Variants in CLEC19A observed in about 807,000 individuals in gnomAD.
The protein encoded by CLEC19A is C-type lectin domain family 19 member A.
CLEC19A carries 21 observed loss-of-function variants against 26.1 expected under a neutral mutation model. That is an observed-to-expected ratio of 0.80 (90% CI 0.57 to 1.16). CLEC19A has a LOEUF of 1.16. Ranked by LOEUF, CLEC19A falls within the 50% of genes most tolerant of loss-of-function variation. The pLI is 0.00. For missense variants in CLEC19A, 224 were observed against 227.6 expected, an observed-to-expected ratio of 0.98 and a Z score of 0.10; for synonymous variants, 89 against 88.6, an observed-to-expected ratio of 1.00 and a Z score of -0.03.
At chr16:19,299,989 C>T (rs1451597223) in intron 2 of CLEC19A, among the ~76,000 whole-genome samples, 1 of 151,934 alleles carries the variant, frequency 6.6e-6, no homozygotes, top group Non-Finnish European at 1.5e-5. Context: ...TTTGGGAGGC[C>T]GAGGCAGGCA....
In CLEC19A at chr16:19,298,703, GC is replaced by G; in HGVS notation, c.124del (p.Leu42CysfsTer55). 6.4e-7 allele frequency: 1 copy of G among 1,551,030 alleles called. No individual in the cohort carries two copies. On this transcript the variant is annotated frameshift_variant, in exon 2 of 5. Transcript: ENST00000636231. LOFTEE classifies it high-confidence loss of function. ...ALPELPLPSL[C>X]PLFWMEFKGH... ...CCAGAGCTGCCCCTGCCTTCCCTGT[GC>G]CCCCTGTTCTGGATGGAGTTCAAAG... is the stretch of plus-strand genomic sequence containing the variant.
chr16:19,302,060 A>G (rs1009569002), intron 2 of CLEC19A, among the ~76,000 whole-genome samples: 9 of 151,980 alleles, frequency 5.9e-5, no homozygotes, highest in African/African-American at 2.2e-4. Context: ...GTTCCATATC[A>G]GTTCATCTTT....
intron 3 of CLEC19A, 25 bp from the exon 4 acceptor site, chr16:19,307,520 G>T (rs1386595099): frequency 2.6e-6 from 4 of 1,546,460 alleles, no homozygotes; most frequent in Non-Finnish European, 2.6e-6. Flanking sequence ...TTGCTTCTTT[G>T]TCTCTTTGGG....
intron 1 of CLEC19A, among the ~76,000 whole-genome samples, chr16:19,296,400 A>AT (rs72532631): frequency 2.3e-5 from 2 of 87,434 alleles, no homozygotes; most frequent in African/African-American, 1.3e-4. Flanking sequence ...CCTGCAGCCC[A>AT]TAGTTTTGGT....
Position 19,285,925 on chromosome 16 carries a change from T to A in CLEC19A, c.74T>A (p.Ile25Asn), listed in dbSNP as rs759949755. The change falls in exon 1 of 5, where the codon ATC (isoleucine) becomes AAC (asparagine). Residue 25 changes from isoleucine (I) to asparagine (N), a missense_variant. Physicochemically the swap from Ile to Asn is moderately radical, Grantham distance 149. Coordinates refer to ENST00000636231, the MANE Select transcript of CLEC19A (RefSeq NM_001256720.2). ...GCACAGGCCTTTCCACAAACAGACA[T>A]CAGTATCAGTCCAGGTAAGTGCAGG... ...HSAQAFPQTD[I>N]SISPALPELP... 30 of 1,550,374 alleles carry A rather than the reference T, an allele frequency of 1.9e-5. No individual in the cohort carries two copies. The African/African-American group carries it at 4.1e-4, about 21-fold the overall frequency.
In CLEC19A at chr16:19,307,593, T is replaced by G; in HGVS notation, c.397T>G (p.Trp133Gly). The stretch of plus-strand genomic sequence containing the variant: ...TGGCTCATCCTATGACTACAGCTAC[T>G]GGGATGGCAGCCAGCCAGATGATGG... ...TDGSSYDYSY[W>G]DGSQPDDGVH... The change falls in exon 4 of 5, where the codon TGG becomes GGG. Residue 133 changes from tryptophan to glycine, a missense_variant. Physicochemically the swap from Trp to Gly is radical, Grantham distance 184 (BLOSUM62 -2). Transcript: ENST00000636231. 6.5e-7 allele frequency: 1 copy of G among 1,548,332 alleles called. No homozygotes were observed. Among genetic ancestry groups the G allele is most frequent in the Non-Finnish European group, 8.7e-7 (1 of 1,146,816 alleles).
chr16:19,300,016 G>T (rs1212229896), intron 2 of CLEC19A, among the ~76,000 whole-genome samples: 2 of 152,030 alleles, frequency 1.3e-5, no homozygotes, highest in Non-Finnish European at 2.9e-5. Context: ...CTGAGGTCAG[G>T]AGTTCGAGAC....
At chr16:19,294,244 C>G (rs546298204) in intron 1 of CLEC19A, among the ~76,000 whole-genome samples, 1 of 152,152 alleles carries the variant, frequency 6.6e-6, no homozygotes, top group Admixed American at 6.5e-5. Flanking sequence ...TTCCCACTAC[C>G]GCCGTGCAGA....
At chr16:19,307,715 C>T (rs1299793906) in intron 4 of CLEC19A, 38 bp downstream of exon 4, 1 of 1,545,448 alleles carries the variant, frequency 6.5e-7, no homozygotes, top group Admixed American at 2.0e-5. Context: ...GCAGGGGAGC[C>T]CAGGAGGTGT....
intron 1 of CLEC19A, among the ~76,000 whole-genome samples, chr16:19,296,582 G>A (rs1297502780): frequency 6.6e-6 from 1 of 152,180 alleles, no homozygotes; most frequent in Non-Finnish European, 1.5e-5. Flanking sequence ...GAAGCATCAT[G>A]CCAACTTTAT....
intron 4 of CLEC19A, 41 bp from the exon 5 acceptor site, chr16:19,308,963 G>A (rs1271542615): frequency 6.6e-7 from 1 of 1,507,706 alleles, no homozygotes; most frequent in African/African-American, 1.4e-5. Flanking sequence ...TATCTTGGCG[G>A]ATGGATTTTC....
Position 19,309,292 on chromosome 16 carries a change from GT to G in CLEC19A, c.*220del, listed in dbSNP as rs965171363. On this transcript the variant is annotated 3_prime_UTR_variant, in exon 5 of 5. Transcript: ENST00000636231. Reference sequence around the variant, plus strand: ...TCAAATTGGCTTAATTTTTTAAAGTGTTTTTTTTTTTAAATTGACCCAAGTA... The same window carrying G: ...TCAAATTGGCTTAATTTTTTAAAGTGTTTTTTTTTTAAATTGACCCAAGTA... 3,534 of 395,990 alleles carry G rather than the reference GT, an allele frequency of 8.9e-3. No homozygotes were observed. The highest frequency in any genetic ancestry group is 0.013 in the South Asian group (377 of 28,472). The allele number at this position is 395,990 out of a possible 1,614,324, so 24.5% of individuals were successfully genotyped here. A position where few individuals can be genotyped will look rare whatever the true frequency, so the allele number is the denominator to read the frequency against.
intron 1 of CLEC19A, among the ~76,000 whole-genome samples, chr16:19,290,167 GTTTTC>G (rs1347107229): frequency 6.6e-6 from 1 of 152,118 alleles, no homozygotes; most frequent in Admixed American, 6.5e-5. Flanking sequence ...CCACTGATGT[GTTTTC>G]TTTTCCTAAC....
chr16:19,288,226 A>T (rs193084797), intron 1 of CLEC19A, among the ~76,000 whole-genome samples: 1 of 152,262 alleles, frequency 6.6e-6, no homozygotes, highest in East Asian at 1.9e-4. Context: ...ATGCAGATAG[A>T]TTCTCTAGAG....
chr16:19,292,067 C>G (rs1382695095), intron 1 of CLEC19A, among the ~76,000 whole-genome samples: 1 of 152,164 alleles, frequency 6.6e-6, no homozygotes, highest in African/African-American at 2.4e-5. Context: ...GACCAAGGAC[C>G]CTTTTCCCCT....
At chr16:19,286,523 G>A (rs1478342575) in intron 1 of CLEC19A, among the ~76,000 whole-genome samples, 1 of 152,184 alleles carries the variant, frequency 6.6e-6, no homozygotes, top group South Asian at 2.1e-4. Context: ...TGTCAGCCTT[G>A]GGCATGTGGC....
intron 1 of CLEC19A, among the ~76,000 whole-genome samples, chr16:19,292,356 T>C (rs947096397): frequency 9.2e-5 from 14 of 152,204 alleles, no homozygotes; most frequent in African/African-American, 3.1e-4. Flanking sequence ...GCAATCGTTG[T>C]CCTAAACAAT....
intron 1 of CLEC19A, among the ~76,000 whole-genome samples, chr16:19,297,771 C>A (rs1267290594): frequency 6.6e-6 from 1 of 152,032 alleles, no homozygotes; most frequent in Non-Finnish European, 1.5e-5. Flanking sequence ...ATTAAAACAT[C>A]ACTGCATACA....
chr16:19,301,735 G>GTTTTT (rs750529291), intron 2 of CLEC19A, among the ~76,000 whole-genome samples: 473 of 34,980 alleles, frequency 0.014, 13 homozygotes, highest in South Asian at 0.017. Flanking sequence ...AGGTTTTTTT[G>GTTTTT]GTTTTTTTTT....
Sources: allele counts gnomAD v4.1 joint callset (sites outside exome capture counted in the v4.1 genomes callset), GRCh38; gene constraint gnomAD v4.1.1; transcripts MANE v1.5; gene names NCBI Gene and HGNC (gene_info 2026-07-23, HGNC 2026-07-21).